CACNB2: variants seen among roughly 807,000 people sequenced by gnomAD.
CACNB2 encodes the protein calcium voltage-gated channel auxiliary subunit beta 2.
Under a neutral mutation model 73.3 loss-of-function variants are expected in CACNB2, and 42 were observed. The observed-to-expected ratio is 0.57, with a 90% CI of 0.45 to 0.74. CACNB2 has a LOEUF of 0.74. CACNB2 is among the 30% of genes least tolerant of loss of function. CACNB2 has a pLI of 0.00. For synonymous variants in CACNB2, 348 were observed against 310.3 expected (o/e 1.12, Z -1.28); for missense variants, 940 against 853.0 (o/e 1.10, Z -1.27).
At chr10:18,538,132 T>A (rs201179713) in intron 12 of CACNB2, 48 bp from the exon 13 acceptor site, 1 of 1,595,818 alleles carries the variant, frequency 6.3e-7, no homozygotes, top group East Asian at 2.2e-5. Flanking sequence ...GGGAAGGGGG[T>A]GAAAACTGGG....
chr10:18,150,632 C>T (rs1242814575), intron 1 of CACNB2, among the ~76,000 whole-genome samples: 1 of 152,146 alleles, frequency 6.6e-6, no homozygotes, highest in Non-Finnish European at 1.5e-5. Flanking sequence ...CATTGCACTC[C>T]AGCCTGGCCA....
chr10:18,418,182 C>A (rs533297588), intron 3 of CACNB2, among the ~76,000 whole-genome samples: 1 of 152,212 alleles, frequency 6.6e-6, no homozygotes, highest in Non-Finnish European at 1.5e-5. Flanking sequence ...TCAGGCGATT[C>A]TCCTGCCTCA....
chr10:18,284,233 C>T (rs965328008), intron 2 of CACNB2, among the ~76,000 whole-genome samples: 1 of 152,172 alleles, frequency 6.6e-6, no homozygotes, highest in Non-Finnish European at 1.5e-5. Flanking sequence ...TGCAGGGAAA[C>T]TCCCTCTTAA....
At chr10:18,247,528 A>G (rs1448367308) in intron 2 of CACNB2, among the ~76,000 whole-genome samples, 2 of 152,142 alleles carry the variant, frequency 1.3e-5, no homozygotes, top group Non-Finnish European at 2.9e-5. Context: ...CAAATATCCC[A>G]AATGATTATA....
In CACNB2 at chr10:18,410,374, AAG is replaced by A. The variant is rs1589270625; in HGVS notation, c.333+8333_333+8334del. On this transcript the variant is annotated intron_variant, in intron 3 of 13. Transcript: ENST00000324631. Reference sequence around the variant, plus strand: ...AGTTTTCAGTAAACATACTACAAAAAAGAAAAAATATTTCTCATCTTGCCTTA... The same window carrying A: ...AGTTTTCAGTAAACATACTACAAAAAAAAAAATATTTCTCATCTTGCCTTA... 3.3e-5 allele frequency among the ~76,000 whole-genome samples: 5 copies of A among 152,320 alleles called. No individual in the cohort carries two copies. The East Asian group carries it at 9.7e-4, about 29-fold the overall frequency.
At chr10:18,311,693 T>C (rs1050239376) in intron 2 of CACNB2, among the ~76,000 whole-genome samples, 12 of 152,138 alleles carry the variant, frequency 7.9e-5, no homozygotes, top group African/African-American at 1.7e-4. Flanking sequence ...TCCCACTGAG[T>C]GGGCTAAGGA....
chr10:18,250,863 C>T (rs1034165759), intron 2 of CACNB2, among the ~76,000 whole-genome samples: 1 of 152,234 alleles, frequency 6.6e-6, no homozygotes, highest in Non-Finnish European at 1.5e-5. Flanking sequence ...TGCACCAAAG[C>T]TACCTACATC....
intron 2 of CACNB2, among the ~76,000 whole-genome samples, chr10:18,300,090 C>T (rs1439103294): frequency 2.6e-5 from 4 of 151,762 alleles, no homozygotes; most frequent in Admixed American, 2.0e-4. Context: ...GGCACTATCT[C>T]GGCTCACTGC....
chr10:18,332,407 G>T (rs899846541), intron 2 of CACNB2, among the ~76,000 whole-genome samples: 17 of 152,098 alleles, frequency 1.1e-4, no homozygotes, highest in Non-Finnish European at 2.1e-4. Context: ...TAGCTCTTTC[G>T]GGGACACAGA....
At chr10:18,164,229 C>T in intron 2 of CACNB2, among the ~76,000 whole-genome samples, 1 of 152,056 alleles carries the variant, frequency 6.6e-6, no homozygotes. Flanking sequence ...ATCTTAAGTC[C>T]CTGTTGTGGC....
chr10:18,527,819 C>G, intron 10 of CACNB2, 122 bp downstream of exon 10: 1 of 721,224 alleles, frequency 1.4e-6, no homozygotes. Flanking sequence ...GTGTGTGCTG[C>G]CAGTCGCTGT....
intron 2 of CACNB2, among the ~76,000 whole-genome samples, chr10:18,353,175 G>T (rs2041779177): frequency 1.3e-5 from 2 of 152,166 alleles, no homozygotes; most frequent in Admixed American, 6.6e-5. Flanking sequence ...ACTTTGGGAG[G>T]CCGAGGCAGG....
In CACNB2 at chr10:18,192,825, A is replaced by G. The variant is rs546334919; in HGVS notation, c.213+41850A>G. Among the ~76,000 whole-genome samples, 422 of 152,294 alleles carry G rather than the reference A, an allele frequency of 2.8e-3. 1 individual carries two copies. The highest frequency in any genetic ancestry group is 3.8e-3 in the Non-Finnish European group (256 of 68,028). ...TTGCAGCCATACTTCATTCTTCTTT[A>G]TGACTGAATGATATTTTATAGTATT... On this transcript the variant is annotated intron_variant, in intron 2 of 13. Coordinates refer to ENST00000324631, the MANE Select transcript of CACNB2 (RefSeq NM_201596.3).
chr10:18,500,287 A>G (rs573538260), intron 4 of CACNB2, among the ~76,000 whole-genome samples: 16 of 152,372 alleles, frequency 1.1e-4, no homozygotes, highest in Admixed American at 3.3e-4. Flanking sequence ...CACCTGCAAG[A>G]CATAAATTGT....
At chr10:18,432,060 G>T (rs372209717) in intron 3 of CACNB2, among the ~76,000 whole-genome samples, 15 of 152,274 alleles carry the variant, frequency 9.9e-5, no homozygotes, top group East Asian at 5.8e-4. Flanking sequence ...ACCGCACCCG[G>T]CCCAAGACTA....
At chr10:18,375,611 A>T (rs973082008) in intron 2 of CACNB2, among the ~76,000 whole-genome samples, 11 of 152,220 alleles carry the variant, frequency 7.2e-5, no homozygotes, top group Non-Finnish European at 1.2e-4. Context: ...TTGAAAATTT[A>T]ATTTTTCTAG....
At chr10:18,241,237 G>C (rs1346077054) in intron 2 of CACNB2, among the ~76,000 whole-genome samples, 4 of 152,054 alleles carry the variant, frequency 2.6e-5, no homozygotes, top group Non-Finnish European at 5.9e-5. Context: ...ACCTCCTAAG[G>C]CTGTGTCATG....
At chr10:18,408,716 C>G (rs1426831603) in intron 3 of CACNB2, among the ~76,000 whole-genome samples, 3 of 152,184 alleles carry the variant, frequency 2.0e-5, no homozygotes. Flanking sequence ...CATTCTTTCT[C>G]TTGCTGGATC....
chr10:18,399,964 T>C (rs1273370384), intron 2 of CACNB2, among the ~76,000 whole-genome samples: 1 of 152,234 alleles, frequency 6.6e-6, no homozygotes, highest in African/African-American at 2.4e-5. Flanking sequence ...CTCCAACTAA[T>C]AAATTAACCA....
Sources: gnomAD v4.1 joint callset for allele counts (sites outside exome capture counted in the v4.1 genomes callset) on GRCh38, gnomAD v4.1.1 for gene constraint, MANE v1.5 for transcripts, NCBI Gene and HGNC (gene_info 2026-07-23, HGNC 2026-07-21) for gene names.